Variants in SGCZ observed in about 807,000 individuals in gnomAD.
SGCZ encodes the protein zeta-sarcoglycan.
A neutral mutation model predicts 41.3 loss-of-function variants in SGCZ; 40 were observed. That is an observed-to-expected ratio of 0.97 (90% CI 0.75 to 1.26). The LOEUF is 1.26. Among genes scored for constraint, SGCZ ranks in the 50% most tolerant of loss-of-function variants. SGCZ has a pLI of 0.00. For synonymous variants in SGCZ, 206 were observed against 137.5 expected (o/e 1.50, Z -3.49); for missense variants, 552 against 369.8 (o/e 1.49, Z -4.04).
intron 1 of SGCZ, among the ~76,000 whole-genome samples, chr8:15,024,700 G>A (rs977426065): frequency 2.0e-5 from 3 of 152,076 alleles, no homozygotes; most frequent in African/African-American, 7.2e-5. Context: ...ACTTTGGGAG[G>A]CCGAGGCGGG....
At chr8:14,471,386 C>T (rs1423417500) in intron 2 of SGCZ, among the ~76,000 whole-genome samples, 3 of 152,014 alleles carry the variant, frequency 2.0e-5, no homozygotes, top group Non-Finnish European at 4.4e-5. Flanking sequence ...CATTAAACAC[C>T]TGTAATATGT....
chr8:14,347,546 G>C (rs1045199750), intron 2 of SGCZ, among the ~76,000 whole-genome samples: 2 of 147,930 alleles, frequency 1.4e-5, no homozygotes, highest in Non-Finnish European at 3.0e-5. Context: ...CACAGACTTT[G>C]TATTTAATTT....
At chr8:14,608,423 T>C (rs1370111979) in intron 1 of SGCZ, among the ~76,000 whole-genome samples, 1 of 151,590 alleles carries the variant, frequency 6.6e-6, no homozygotes, top group African/African-American at 2.4e-5. Context: ...CCACAGGATA[T>C]TTTACTCATG....
chr8:15,109,189 G>C (rs1349980970), intron 1 of SGCZ, among the ~76,000 whole-genome samples: 1 of 152,158 alleles, frequency 6.6e-6, no homozygotes, highest in African/African-American at 2.4e-5. Flanking sequence ...TCATTCTGCA[G>C]AAACCACAGC....
chr8:15,134,258 C>G (rs552085113), intron 1 of SGCZ, among the ~76,000 whole-genome samples: 1 of 151,026 alleles, frequency 6.6e-6, no homozygotes, highest in African/African-American at 2.4e-5. Context: ...ATCTCATAAA[C>G]ATAACTTTGG....
intron 1 of SGCZ, among the ~76,000 whole-genome samples, chr8:14,562,399 C>G: frequency 6.6e-6 from 1 of 151,928 alleles, no homozygotes; most frequent in Admixed American, 6.6e-5. Context: ...AAATAAATAA[C>G]AACATTATCA....
rs562992506 is a variant in SGCZ, at chr8:14,098,898, G to T, written c.744+3478C>A. Among the ~76,000 whole-genome samples, 681 of 152,226 alleles carry T rather than the reference G, an allele frequency of 4.5e-3. 2 individuals carry two copies. Among genetic ancestry groups the T allele is most frequent in the Non-Finnish European group, 7.8e-3 (531 of 68,014 alleles). On this transcript the variant is annotated intron_variant, in intron 7 of 7. Transcript: ENST00000382080. The stretch of plus-strand genomic sequence containing the variant: ...GCCTTATGATGAGTGGCTTGCTTCA[G>T]CATAGCCATAATGGTGTTCTCTGGT...
intron 2 of SGCZ, among the ~76,000 whole-genome samples, chr8:14,405,852 C>G (rs943329093): frequency 6.7e-6 from 1 of 149,754 alleles, no homozygotes; most frequent in Non-Finnish European, 1.5e-5. Context: ...AGAATAATAT[C>G]TTAGTCATTT....
chr8:14,716,933 A>G (rs1809708351), intron 1 of SGCZ, among the ~76,000 whole-genome samples: 1 of 152,088 alleles, frequency 6.6e-6, no homozygotes, highest in South Asian at 2.1e-4. Flanking sequence ...CAATGCAATT[A>G]TATTTCATCT....
intron 4 of SGCZ, among the ~76,000 whole-genome samples, chr8:14,229,054 C>G (rs959551690): frequency 1.3e-5 from 2 of 152,018 alleles, no homozygotes; most frequent in Admixed American, 6.6e-5. Flanking sequence ...AAGGAGCAAG[C>G]CAGCAAAGGT....
chr8:14,524,783 G>C (rs1243298086), intron 2 of SGCZ, among the ~76,000 whole-genome samples: 1 of 151,994 alleles, frequency 6.6e-6, no homozygotes, highest in Non-Finnish European at 1.5e-5. Context: ...CCTGGAAGCG[G>C]AAGTCTGTAT....
intron 1 of SGCZ, among the ~76,000 whole-genome samples, chr8:14,705,163 T>C (rs1038754604): frequency 2.0e-5 from 3 of 151,908 alleles, no homozygotes; most frequent in African/African-American, 7.2e-5. Flanking sequence ...ATGCACCTCA[T>C]AACAAGAACA....
At chr8:15,187,250 A>G (rs1005473926) in intron 1 of SGCZ, among the ~76,000 whole-genome samples, 3 of 152,084 alleles carry the variant, frequency 2.0e-5, no homozygotes, top group Non-Finnish European at 2.9e-5. Flanking sequence ...TCAACTCCAT[A>G]TTTATATTTA....
chr8:14,648,370 A>T (rs1476569638), intron 1 of SGCZ, among the ~76,000 whole-genome samples: 2 of 152,114 alleles, frequency 1.3e-5, no homozygotes, highest in African/African-American at 4.8e-5. Context: ...GTACTCACAC[A>T]GAAAGTGGCA....
At chr8:14,317,437 T>C (rs1323709559) in intron 3 of SGCZ, among the ~76,000 whole-genome samples, 1 of 152,074 alleles carries the variant, frequency 6.6e-6, no homozygotes, top group East Asian at 1.9e-4. Context: ...TAAAAATCAT[T>C]ATCTGTCAGA....
rs573406562 is a variant in SGCZ at position 14,636,882 on chromosome 8, T to C, written c.40-81956A>G. On this transcript the variant is annotated intron_variant, in intron 1 of 7. Coordinates refer to ENST00000382080, the MANE Select transcript of SGCZ (RefSeq NM_139167.4). ...GAAACTCAGAAGAATAAAATACTGATGGAAATGTTTTATTACTAAATCTAT... is the reference window on the plus strand; with the variant it reads ...GAAACTCAGAAGAATAAAATACTGACGGAAATGTTTTATTACTAAATCTAT... Among the ~76,000 whole-genome samples, 6 of 152,036 alleles carry C rather than the reference T, an allele frequency of 3.9e-5. No individual in the cohort carries two copies. The South Asian group carries it at 1.2e-3, about 32-fold the overall frequency.
At chr8:14,423,509 C>T (rs574195702) in intron 2 of SGCZ, among the ~76,000 whole-genome samples, 14 of 152,142 alleles carry the variant, frequency 9.2e-5, no homozygotes, top group African/African-American at 2.9e-4. Context: ...CTCCGCCTCC[C>T]GGGTTCAAGT....
chr8:14,640,959 T>A lies in SGCZ; in HGVS notation c.40-86033A>T, dbSNP rs1188504983. Among the ~76,000 whole-genome samples, 9 of 151,848 alleles carry A rather than the reference T, an allele frequency of 5.9e-5. No homozygotes were observed. In the East Asian group the frequency reaches 9.8e-4, roughly 16 times the overall value. On this transcript the variant is annotated intron_variant, in intron 1 of 7. Transcript: ENST00000382080. ...AAGTTGCTCTTCTCCCTGAAGGCTA[T>A]AAAGTTAATGTTGGTATGAAATCTT...
chr8:14,343,817 A>C (rs993111059), intron 2 of SGCZ, among the ~76,000 whole-genome samples: 1 of 152,106 alleles, frequency 6.6e-6, no homozygotes, highest in African/African-American at 2.4e-5. Flanking sequence ...AGTATTTATC[A>C]TTTTTTTCAG....
Sources: gnomAD v4.1 joint callset for allele counts (sites outside exome capture counted in the v4.1 genomes callset) on GRCh38, gnomAD v4.1.1 for gene constraint, MANE v1.5 for transcripts, NCBI Gene and HGNC (gene_info 2026-07-23, HGNC 2026-07-21) for gene names.